Variants in TSHZ2 observed in about 807,000 individuals in gnomAD.
TSHZ2 encodes the protein teashirt homolog 2.
In TSHZ2, 21 loss-of-function variants were observed where a neutral mutation model predicts 74.4. The observed-to-expected ratio is 0.28, with a 90% CI of 0.20 to 0.41. The LOEUF is 0.41. Ranked by LOEUF, TSHZ2 falls within the 10% of genes least tolerant of loss-of-function variation. The probability of loss-of-function intolerance (pLI) is 1.00; values close to 1 mark genes in which losing one functional copy is unlikely to be tolerated. For missense variants in TSHZ2, 1,244 were observed against 1,293.5 expected (o/e 0.96, Z 0.59); for synonymous variants, 540 against 515.3 (o/e 1.05, Z -0.65).
chr20:53,359,816 A>G (rs1037551086), intron 2 of TSHZ2, among the ~76,000 whole-genome samples: 7 of 152,204 alleles, frequency 4.6e-5, no homozygotes, highest in African/African-American at 1.7e-4. Flanking sequence ...GAGCCAGGCT[A>G]AAGATGGTGA....
At chr20:52,982,718 A>G (rs1308148104) in intron 1 of TSHZ2, among the ~76,000 whole-genome samples, 1 of 152,166 alleles carries the variant, frequency 6.6e-6, no homozygotes, top group Non-Finnish European at 1.5e-5. Context: ...TCCTAATTGC[A>G]TTTCATAAGA....
At chr20:53,337,865 G>A (rs1027664345) in intron 2 of TSHZ2, among the ~76,000 whole-genome samples, 2 of 152,214 alleles carry the variant, frequency 1.3e-5, no homozygotes, top group Admixed American at 1.3e-4. Context: ...CTAATTGTAC[G>A]CTAGAGCAGA....
chr20:53,281,578 C>T (rs1019636686), intron 2 of TSHZ2, among the ~76,000 whole-genome samples: 1 of 152,168 alleles, frequency 6.6e-6, no homozygotes, highest in African/African-American at 2.4e-5. Flanking sequence ...ATTTGGCCCA[C>T]AGGCTAGAGT....
intron 2 of TSHZ2, among the ~76,000 whole-genome samples, chr20:53,441,995 G>A (rs974516911): frequency 1.3e-5 from 2 of 152,220 alleles, no homozygotes; most frequent in Admixed American, 1.3e-4. Context: ...AAAAGGATCA[G>A]CAGGTGCAAA....
chr20:53,166,185 A>G (rs1988057248), intron 1 of TSHZ2, among the ~76,000 whole-genome samples: 1 of 152,198 alleles, frequency 6.6e-6, no homozygotes, highest in Non-Finnish European at 1.5e-5. Context: ...TGTTATTAAA[A>G]GATTTCTCAG....
At position 53,490,219 on chromosome 20, in the gene TSHZ2, A is replaced by G. The variant is rs989018604; in HGVS notation, c.*3084A>G. 2 of 152,244 alleles carry G rather than the reference A, an allele frequency of 1.3e-5. No individual in the cohort carries two copies. The highest frequency in any genetic ancestry group is 2.9e-5 in the Non-Finnish European group (2 of 68,048). 9.4% of individuals were successfully genotyped at this position (152,244 alleles called of 1,614,324 possible). A position where few individuals can be genotyped will look rare whatever the true frequency, so the allele number is the denominator to read the frequency against. On this transcript the variant is annotated 3_prime_UTR_variant, in exon 3 of 3. Coordinates refer to ENST00000371497, the MANE Select transcript of TSHZ2 (RefSeq NM_173485.6). Reference sequence around the variant, plus strand: ...CATATTTGGCCCTATTTTGTAGTTCAGCAAATCCTCCAAATACACAGCATG... The same window carrying G: ...CATATTTGGCCCTATTTTGTAGTTCGGCAAATCCTCCAAATACACAGCATG...
chr20:53,425,803 T>G (rs1194689806), intron 2 of TSHZ2, among the ~76,000 whole-genome samples: 2 of 113,762 alleles, frequency 1.8e-5, no homozygotes, highest in South Asian at 3.9e-4. Flanking sequence ...GTTCTTTTGT[T>G]TTTTTTTTTC....
chr20:52,973,967 A>G lies in TSHZ2; in HGVS notation c.40+634A>G, dbSNP rs542931783. On this transcript the variant is annotated intron_variant, in intron 1 of 2. Coordinates refer to ENST00000371497, the MANE Select transcript of TSHZ2 (RefSeq NM_173485.6). ...AAACCAAAAAGGGTTGTAGGGGGGA[A>G]ATTCCCCATAGAAATTTAAACAGCT... 3.5e-4 allele frequency among the ~76,000 whole-genome samples: 53 copies of G among 152,338 alleles called. No homozygotes were observed. In the South Asian group the frequency reaches 8.3e-3, roughly 24 times the overall value.
At chr20:53,221,009 A>C (rs1015425273) in intron 1 of TSHZ2, among the ~76,000 whole-genome samples, 1 of 152,188 alleles carries the variant, frequency 6.6e-6, no homozygotes, top group Non-Finnish European at 1.5e-5. Context: ...ATTTCCCATA[A>C]TTCCCACGTG....
intron 1 of TSHZ2, among the ~76,000 whole-genome samples, chr20:53,012,580 G>A (rs1166134063): frequency 6.6e-6 from 1 of 152,056 alleles, no homozygotes; most frequent in African/African-American, 2.4e-5. Context: ...CCCTTGGTTT[G>A]GGAAGGTTCG....
At chr20:52,992,249 A>G (rs970855871) in intron 1 of TSHZ2, among the ~76,000 whole-genome samples, 3 of 152,210 alleles carry the variant, frequency 2.0e-5, no homozygotes, top group Admixed American at 6.5e-5. Flanking sequence ...GGTTGAATGC[A>G]TGAATGTATG....
chr20:53,369,603 C>T (rs761832331), intron 2 of TSHZ2, among the ~76,000 whole-genome samples: 38 of 151,934 alleles, frequency 2.5e-4, no homozygotes, highest in Non-Finnish European at 4.4e-4. Context: ...CTCAGCTACT[C>T]GGGAGGCTGA....
Position 53,137,142 on chromosome 20 carries a change from G to A in TSHZ2, c.41-116357G>A, listed in dbSNP as rs183367714. Reference sequence around the variant, plus strand: ...TTCAATTTCCCACTGTAGTTATCCTGGTTTGCCTTTATCATTGATAGTAAC... The same window carrying A: ...TTCAATTTCCCACTGTAGTTATCCTAGTTTGCCTTTATCATTGATAGTAAC... On this transcript the variant is annotated intron_variant, in intron 1 of 2. Coordinates refer to ENST00000371497, the MANE Select transcript of TSHZ2 (RefSeq NM_173485.6). Among the ~76,000 whole-genome samples the A allele has an allele frequency of 9.9e-5, 15 of 152,072 alleles. No homozygotes were observed. In the East Asian group the frequency reaches 2.5e-3, roughly 25 times the overall value.
chr20:52,987,697 A>G (rs1449287613), intron 1 of TSHZ2, among the ~76,000 whole-genome samples: 1 of 152,244 alleles, frequency 6.6e-6, no homozygotes, highest in Non-Finnish European at 1.5e-5. Flanking sequence ...ATGCATTTAC[A>G]CATTTGTCTA....
chr20:53,240,720 A>ATGAT (rs1465585760), intron 1 of TSHZ2, among the ~76,000 whole-genome samples: 2 of 124,520 alleles, frequency 1.6e-5, no homozygotes, highest in Non-Finnish European at 3.4e-5. Context: ...AGATAGATAG[A>ATGAT]TGATAGATAG....
At chr20:53,051,017 G>A (rs546661461) in intron 1 of TSHZ2, among the ~76,000 whole-genome samples, 2 of 152,258 alleles carry the variant, frequency 1.3e-5, no homozygotes, top group South Asian at 4.1e-4. Context: ...AGAGCATTTA[G>A]TATTTCCTAA....
chr20:53,306,898 C>T (rs185671715), intron 2 of TSHZ2, among the ~76,000 whole-genome samples: 29 of 152,222 alleles, frequency 1.9e-4, no homozygotes, highest in African/African-American at 6.7e-4. Flanking sequence ...AGTTGGACAC[C>T]GACATGCTAC....
intron 1 of TSHZ2, among the ~76,000 whole-genome samples, chr20:53,196,784 T>C (rs772746237): frequency 3.9e-5 from 6 of 152,208 alleles, no homozygotes; most frequent in Non-Finnish European, 8.8e-5. Context: ...CAACTCTGAG[T>C]GGTGCAAGTC....
intron 1 of TSHZ2, among the ~76,000 whole-genome samples, chr20:53,137,746 G>A (rs1017030506): frequency 2.0e-5 from 3 of 152,146 alleles, no homozygotes; most frequent in Non-Finnish European, 4.4e-5. Flanking sequence ...ATTGGCAACA[G>A]GAGCATCTTT....
Sources: allele counts gnomAD v4.1 joint callset (sites outside exome capture counted in the v4.1 genomes callset), GRCh38; gene constraint gnomAD v4.1.1; transcripts MANE v1.5; gene names NCBI Gene and HGNC (gene_info 2026-07-23, HGNC 2026-07-21).